Variants in DYSF observed in about 807,000 individuals in gnomAD.
DYSF encodes the protein dystrophy-associated fer-1-like 1.
Under a neutral mutation model 274.9 loss-of-function variants are expected in DYSF, and 212 were observed. The ratio of observed to expected loss-of-function variants is 0.77; its 90% CI spans 0.69 to 0.86. The LOEUF is 0.86. DYSF is among the 40% of genes least tolerant of loss of function. The pLI, the probability that DYSF is intolerant of heterozygous loss-of-function variation, is 0.00. For missense variants in DYSF, 2,666 were observed against 2,783.2 expected (o/e 0.96, Z 0.95); for synonymous variants, 1,091 against 1,078.7 (o/e 1.01, Z -0.22).
intron 1 of DYSF, among the ~76,000 whole-genome samples, chr2:71,474,067 C>T (rs1221198859): frequency 6.6e-6 from 1 of 151,942 alleles, no homozygotes; most frequent in East Asian, 1.9e-4. Flanking sequence ...GCTGGGATTA[C>T]AGGCATGTGC....
chr2:71,457,893 G>T (rs932826561), intron 1 of DYSF, among the ~76,000 whole-genome samples: 1 of 152,122 alleles, frequency 6.6e-6, no homozygotes, highest in African/African-American at 2.4e-5. Flanking sequence ...CCAGGGAGGG[G>T]GTCATGTAAC....
intron 17 of DYSF, among the ~76,000 whole-genome samples, chr2:71,543,257 C>T (rs2090121991): frequency 6.9e-6 from 1 of 144,202 alleles, no homozygotes; most frequent in Non-Finnish European, 1.5e-5. Flanking sequence ...CCTCACATCC[C>T]AGACGGGGCG....
chr2:71,594,439 C>T (rs1474197692), intron 32 of DYSF, among the ~76,000 whole-genome samples: 2 of 152,182 alleles, frequency 1.3e-5, no homozygotes, highest in African/African-American at 4.8e-5. Flanking sequence ...ATATGAGAGG[C>T]TCTGAGGCGG....
intron 30 of DYSF, 41 bp downstream of exon 30, chr2:71,574,412 T>A (rs1399550411): frequency 6.2e-7 from 1 of 1,604,864 alleles, no homozygotes; most frequent in Middle Eastern, 1.7e-4. Flanking sequence ...GTAGGGTATA[T>A]CTTGGTTTCC....
chr2:71,682,847 G>T (rs770471511), intron 55 of DYSF, among the ~76,000 whole-genome samples, 170 bp downstream of exon 55: 6 of 152,188 alleles, frequency 3.9e-5, no homozygotes, highest in Non-Finnish European at 4.4e-5. Flanking sequence ...CTCCAATCTG[G>T]TAGGTGTACA....
chr2:71,646,651 T>A (rs574259377), intron 42 of DYSF, among the ~76,000 whole-genome samples: 1 of 151,568 alleles, frequency 6.6e-6, no homozygotes, highest in African/African-American at 2.4e-5. Context: ...AATAGAAAAA[T>A]AAAGGAACAA....
At chr2:71,479,933 C>A (rs1447591268) in intron 1 of DYSF, among the ~76,000 whole-genome samples, 1 of 152,174 alleles carries the variant, frequency 6.6e-6, no homozygotes, top group Non-Finnish European at 1.5e-5. Context: ...ATAAAATTCA[C>A]CATTTGAACA....
chr2:71,598,891 A>G, intron 33 of DYSF, 146 bp downstream of exon 33: 1 of 948,134 alleles, frequency 1.1e-6, no homozygotes, highest in Non-Finnish European at 1.6e-6. Context: ...TTTTAGAGTC[A>G]TTAAAAATGG....
At chr2:71,669,552 T>C (rs2095082388) in intron 50 of DYSF, 53 bp from the exon 51 acceptor site, 1 of 1,610,218 alleles carries the variant, frequency 6.2e-7, no homozygotes, top group Non-Finnish European at 8.5e-7. Flanking sequence ...ACGATGTATA[T>C]ACTGTGTTGG....
chr2:71,598,829 C>T, intron 33 of DYSF, 84 bp downstream of exon 33: 2 of 1,523,540 alleles, frequency 1.3e-6, no homozygotes, highest in South Asian at 1.1e-5. Flanking sequence ...CGTGGCTGCC[C>T]AGCCAGATGG....
intron 3 of DYSF, among the ~76,000 whole-genome samples, chr2:71,498,560 C>T (rs1333684005): frequency 6.6e-6 from 1 of 152,220 alleles, no homozygotes; most frequent in Non-Finnish European, 1.5e-5. Flanking sequence ...ACTGGGGAGG[C>T]TCGGAATCCC....
At position 71,483,333 on chromosome 2, in the gene DYSF, G is replaced by A. The variant is rs903667065; in HGVS notation, c.239+1363G>A. Among the ~76,000 whole-genome samples, 9 of 152,224 alleles carry A rather than the reference G, an allele frequency of 5.9e-5. No homozygotes were observed. In the South Asian group the frequency reaches 6.2e-4, roughly 11 times the overall value. ...AGACACTGTGGAAGGCAAGGCAGCC[G>A]CTAACAAGCATGAATGGTGGACCCG... On this transcript the variant is annotated intron_variant, in intron 3 of 55. Coordinates refer to ENST00000410020, the MANE Select transcript of DYSF (RefSeq NM_001130987.2).
At chr2:71,578,535 G>A (rs985361388) in intron 30 of DYSF, among the ~76,000 whole-genome samples, 6 of 152,178 alleles carry the variant, frequency 3.9e-5, no homozygotes, top group Non-Finnish European at 5.9e-5. Flanking sequence ...TAGAATCTGC[G>A]TCTTTGAAGT....
intron 42 of DYSF, 89 bp from the exon 43 acceptor site, chr2:71,656,073 T>C (rs1486926335): frequency 6.7e-7 from 1 of 1,499,312 alleles, no homozygotes; most frequent in African/African-American, 1.4e-5. Context: ...ACTGTCATGT[T>C]TCCCCTCCTT....
chr2:71,580,932 G>A (rs1211916031), intron 30 of DYSF, among the ~76,000 whole-genome samples: 1 of 152,252 alleles, frequency 6.6e-6, no homozygotes, highest in South Asian at 2.1e-4. Flanking sequence ...GTGTGTTACA[G>A]TTGGGCACAT....
chr2:71,632,808 G>C (rs1044981848), intron 41 of DYSF, among the ~76,000 whole-genome samples: 14 of 152,114 alleles, frequency 9.2e-5, no homozygotes, highest in African/African-American at 3.1e-4. Context: ...CTCCTGAATT[G>C]AGAAAGCACC....
At chr2:71,571,941 G>T (rs1334507633) in intron 29 of DYSF, among the ~76,000 whole-genome samples, 1 of 137,890 alleles carries the variant, frequency 7.3e-6, no homozygotes, top group Non-Finnish European at 1.5e-5. Context: ...ATCACACACA[G>T]ATCACACCCA....
chr2:71,494,144 C>T (rs1316446713), intron 3 of DYSF, among the ~76,000 whole-genome samples: 1 of 152,070 alleles, frequency 6.6e-6, no homozygotes, highest in Non-Finnish European at 1.5e-5. Context: ...TCTTCATGGC[C>T]TTCCTTAGCT....
chr2:71,610,842 G>T, intron 36 of DYSF: 1 of 309,212 alleles, frequency 3.2e-6, no homozygotes, highest in Non-Finnish European at 6.3e-6. Context: ...GCAGGCACAT[G>T]GTCCTCTCTG....
Sources: allele counts gnomAD v4.1 joint callset (sites outside exome capture counted in the v4.1 genomes callset), GRCh38; gene constraint gnomAD v4.1.1; transcripts MANE v1.5; gene names NCBI Gene and HGNC (gene_info 2026-07-23, HGNC 2026-07-21).